The following JADE3 variants were observed in gnomAD, a reference collection of about 807,000 sequenced individuals.
The protein encoded by JADE3 is protein Jade-3.
JADE3 carries 2 observed loss-of-function variants against 50.1 expected under a neutral mutation model. That is an observed-to-expected ratio of 0.04 (90% CI 0.02 to 0.13). The LOEUF (loss-of-function observed/expected upper bound fraction) is 0.13, where lower values mean the gene tolerates loss of function less well. JADE3 is among the 10% of genes least tolerant of loss of function. The probability of loss-of-function intolerance (pLI) is 1.00; values close to 1 mark genes in which losing one functional copy is unlikely to be tolerated. For missense variants in JADE3, 475 were observed against 634.4 expected (o/e 0.75, Z 2.70); for synonymous variants, 218 against 232.9 (o/e 0.94, Z 0.58).
At chrX:46,979,492 G>T (rs1927694976) in intron 1 of JADE3, among the ~76,000 whole-genome samples, 1 of 111,559 alleles carries the variant, frequency 9.0e-6, no homozygotes, top group African/African-American at 3.3e-5. Flanking sequence ...GACATTTGTT[G>T]CCCTTGATCC....
intron 8 of JADE3, among the ~76,000 whole-genome samples, chrX:47,052,753 C>G (rs1369289668): frequency 9.6e-6 from 1 of 103,904 alleles, no homozygotes; most frequent in Non-Finnish European, 2.0e-5. Flanking sequence ...TTTAATTATA[C>G]ATAATTTTAA....
At chrX:46,928,163 C>T (rs782549650) in intron 1 of JADE3, among the ~76,000 whole-genome samples, 16 of 111,501 alleles carry the variant, frequency 1.4e-4, no homozygotes, top group Non-Finnish European at 2.4e-4. Context: ...ATCAACAATC[C>T]AACACTCATG....
At chrX:47,033,349 T>A (rs1556367153) in intron 6 of JADE3, among the ~76,000 whole-genome samples, 1 of 112,249 alleles carries the variant, frequency 8.9e-6, no homozygotes, top group Non-Finnish European at 1.9e-5. Context: ...AACACTCAGA[T>A]AACAGTTGGG....
At position 46,923,393 on chromosome X, in the gene JADE3, CTTTTTTTTTTTTTTTTTTTTTTT is replaced by C. The variant is rs782555482; in HGVS notation, c.-12+10680_-12+10702del. On this transcript the variant is annotated intron_variant, in intron 1 of 10. Coordinates refer to ENST00000614628, the MANE Select transcript of JADE3 (RefSeq NM_014735.5). ...ATTTCTTTTCTCTCTCTCTCTCTCTCTTTTTTTTTTTTTTTTTTTTTTTTTTTTGAGGCAGGGTCTTCCTCTGT... is the reference window on the plus strand; with the variant it reads ...ATTTCTTTTCTCTCTCTCTCTCTCTCTTTTTGAGGCAGGGTCTTCCTCTGT... Among the ~76,000 whole-genome samples the C allele has an allele frequency of 4.3e-4, 5 of 11,525 alleles. No individual in the cohort carries two copies. The South Asian group carries it at 0.073, about 168-fold the overall frequency. The allele number at this position is 11,525 out of a possible 115,157, so 10.0% of individuals were successfully genotyped here. A position where few individuals can be genotyped will look rare whatever the true frequency, so the allele number is the denominator to read the frequency against.
At chrX:46,979,372 C>T (rs1292909728) in intron 1 of JADE3, among the ~76,000 whole-genome samples, 1 of 112,053 alleles carries the variant, frequency 8.9e-6, no homozygotes, top group Non-Finnish European at 1.9e-5. Flanking sequence ...GTATCCATCT[C>T]ACAAGAAGTC....
At chrX:46,923,081 T>G (rs1273956827) in intron 1 of JADE3, among the ~76,000 whole-genome samples, 1 of 110,895 alleles carries the variant, frequency 9.0e-6, no homozygotes, top group African/African-American at 3.3e-5. Flanking sequence ...GGCATGATCA[T>G]GGCTCACTGC....
intron 1 of JADE3, among the ~76,000 whole-genome samples, chrX:46,946,740 G>A (rs1206743085): frequency 1.8e-5 from 2 of 112,410 alleles, no homozygotes; most frequent in East Asian, 5.6e-4. Flanking sequence ...CATCATCTTA[G>A]TAGCTTGAAA....
intron 1 of JADE3, among the ~76,000 whole-genome samples, chrX:46,920,870 A>C (rs1373816666): frequency 8.9e-6 from 1 of 112,398 alleles, no homozygotes; most frequent in African/African-American, 3.2e-5. Flanking sequence ...TAGCTTTATA[A>C]TAAGCCTAGA....
At chrX:46,925,896 C>T (rs375862186) in intron 1 of JADE3, among the ~76,000 whole-genome samples, 6 of 107,689 alleles carry the variant, frequency 5.6e-5, no homozygotes, top group African/African-American at 2.0e-4. Flanking sequence ...TACTCCATCA[C>T]CCAGGCTGGA....
At chrX:47,056,057 T>C (rs782030050) in intron 9 of JADE3, 25 bp from the exon 10 acceptor site, 3 of 984,700 alleles carry the variant, frequency 3.0e-6, no homozygotes, top group Non-Finnish European at 1.4e-6. Flanking sequence ...CAAACATCTC[T>C]ATTTGTTGGG....
chrX:46,915,905 T>C (rs1556336220), intron 1 of JADE3, among the ~76,000 whole-genome samples: 1 of 111,914 alleles, frequency 8.9e-6, no homozygotes, highest in Admixed American at 9.4e-5. Context: ...AGGAAACACC[T>C]ATGAGTTCAT....
chrX:46,997,526 A>T (rs1928158611), intron 3 of JADE3, among the ~76,000 whole-genome samples: 2 of 111,502 alleles, frequency 1.8e-5, no homozygotes, highest in Non-Finnish European at 3.8e-5. Flanking sequence ...TCAAAAAAAT[A>T]AAATTAAATT....
chrX:46,933,300 G>A (rs1291344805), intron 1 of JADE3, among the ~76,000 whole-genome samples: 5 of 111,585 alleles, frequency 4.5e-5, no homozygotes, highest in Non-Finnish European at 9.4e-5. Flanking sequence ...ACGGAGGGTG[G>A]CAGTCGGCCT....
At position 46,982,220 on chromosome X, in the gene JADE3, C is replaced by G. The variant is rs781902459; in HGVS notation, c.-11-2664C>G. On this transcript the variant is annotated intron_variant, in intron 1 of 10. Transcript: ENST00000614628. The stretch of plus-strand genomic sequence containing the variant: ...TTGACCTACTTCAAGTTCATTAATT[C>G]TTTTTTCTGCTTGTTCAATCTACTG... Among the ~76,000 whole-genome samples the G allele has an allele frequency of 3.6e-5, 4 of 110,750 alleles. No individual in the cohort carries two copies. In the East Asian group the frequency reaches 1.1e-3, roughly 31 times the overall value.
intron 4 of JADE3, among the ~76,000 whole-genome samples, chrX:47,005,182 C>T (rs1447061252): frequency 1.8e-5 from 2 of 111,941 alleles, no homozygotes; most frequent in African/African-American, 6.5e-5. Flanking sequence ...TAAGAAAAGC[C>T]TGTCCTCTCT....
At chrX:47,044,465 A>T (rs782498054) in intron 8 of JADE3, among the ~76,000 whole-genome samples, 2 of 111,494 alleles carry the variant, frequency 1.8e-5, no homozygotes, top group African/African-American at 6.5e-5. Flanking sequence ...AGAAATAAGG[A>T]CTTTCCCAAA....
chrX:47,027,540 G>A (rs1324368185), intron 5 of JADE3, among the ~76,000 whole-genome samples: 1 of 111,743 alleles, frequency 8.9e-6, no homozygotes, highest in Admixed American at 9.6e-5. Flanking sequence ...ATCGTGTCCA[G>A]AATTATAAAG....
chrX:46,938,683 G>GAACA lies in JADE3; in HGVS notation c.-12+25965_-12+25968dup, dbSNP rs782211909. Among the ~76,000 whole-genome samples the GAACA allele has an allele frequency of 8.0e-5, 9 of 112,395 alleles. No individual in the cohort carries two copies. The East Asian group carries it at 2.2e-3, about 28-fold the overall frequency. On this transcript the variant is annotated intron_variant, in intron 1 of 10. Coordinates refer to ENST00000614628, the MANE Select transcript of JADE3 (RefSeq NM_014735.5). ...TGGTATCATTTACCAATTGTCTGAA[G>GAACA]AACATCCTCTAGCAGTTCGTTTAGA...
chrX:47,026,128 T>A (rs1241875513), intron 5 of JADE3, among the ~76,000 whole-genome samples: 4 of 111,234 alleles, frequency 3.6e-5, no homozygotes, highest in Non-Finnish European at 7.6e-5. Flanking sequence ...AGAAGTAAAA[T>A]CAGAATATGA....
Sources: gnomAD v4.1 joint callset for allele counts (sites outside exome capture counted in the v4.1 genomes callset) on GRCh38, gnomAD v4.1.1 for gene constraint, MANE v1.5 for transcripts, NCBI Gene and HGNC (gene_info 2026-07-23, HGNC 2026-07-21) for gene names.